FANCG: variants seen among roughly 807,000 people sequenced by gnomAD.
FANCG encodes Fanconi anemia group G protein.
Under a neutral mutation model 73.3 loss-of-function variants are expected in FANCG, and 67 were observed. The observed-to-expected ratio is 0.91, with a 90% CI of 0.75 to 1.12. FANCG has a LOEUF of 1.12. Among genes scored for constraint, FANCG ranks in the 50% most tolerant of loss-of-function variants. The pLI is 0.00. For missense variants in FANCG, 643 were observed against 735.6 expected, an observed-to-expected ratio of 0.87 and a Z score of 1.46; for synonymous variants, 297 against 311.6, an observed-to-expected ratio of 0.95 and a Z score of 0.49.
At position 35,078,727 on chromosome 9, in the gene FANCG, G is replaced by A. The variant is rs1176872462; in HGVS notation, c.185C>T (p.Ala62Val). ...CTCCAAGGGAAGAACAGGAACAGCT[G>A]CAGGGAGCCCTGGAGCAACAATGTT... ...GLLHSLQGLPAAVPVLPLELT... is the reference protein window; with the variant it reads ...GLLHSLQGLPVAVPVLPLELT... Residue 62 changes from alanine to valine, a missense_variant, in exon 3 of 14, where the codon GCA becomes GTA. Transcript: ENST00000378643. The A allele has an allele frequency of 6.2e-7, 1 of 1,614,166 alleles. No individual in the cohort carries two copies. Among genetic ancestry groups the A allele is most frequent in the South Asian group, 1.1e-5 (1 of 91,082 alleles).
rs764379393 is a variant in FANCG at position 35,074,883 on chromosome 9, C to T, written c.1636+44G>A. 10 of 1,611,766 alleles carry T rather than the reference C, an allele frequency of 6.2e-6. No individual in the cohort carries two copies. The African/African-American group carries it at 1.2e-4, about 19-fold the overall frequency. On this transcript the variant is annotated intron_variant, in intron 12 of 13. Transcript: ENST00000378643. ...AAGTATTTCCCATGGGCCTCTCTGTCCTTGCACATCTATGCATAGCCGACG... is the reference window on the plus strand; with the variant it reads ...AAGTATTTCCCATGGGCCTCTCTGTTCTTGCACATCTATGCATAGCCGACG...
At chr9:35,077,697 G>A (rs1379552435) in intron 4 of FANCG, among the ~76,000 whole-genome samples, 1 of 152,000 alleles carries the variant, frequency 6.6e-6, no homozygotes, top group African/African-American at 2.4e-5. Flanking sequence ...TTACTAATAA[G>A]GAGACTAAGG....
At position 35,075,691 on chromosome 9, in the gene FANCG, C is replaced by T. The variant is rs904164756; in HGVS notation, c.1207G>A (p.Ala403Thr). The T allele has an allele frequency of 5.0e-6, 8 of 1,608,614 alleles. No homozygotes were observed. In the African/African-American group the frequency reaches 9.6e-5, roughly 19 times the overall value. Residue 403 changes from alanine (A) to threonine (T), a missense_variant, in exon 10 of 14, where the codon GCA (alanine) becomes ACA (threonine). Coordinates refer to ENST00000378643, the MANE Select transcript of FANCG (RefSeq NM_004629.2). Reference sequence around the variant, plus strand: ...TGGGCTCTGCCTGCCTGGATCAGTGCTACCGCTGCCTCCAAAAACACCTCA... The same window carrying T: ...TGGGCTCTGCCTGCCTGGATCAGTGTTACCGCTGCCTCCAAAAACACCTCA... Reference protein sequence around the residue: ...MPEVFLEAAVALIQAGRAQDA... With the variant: ...MPEVFLEAAVTLIQAGRAQDA...
At position 35,077,372 on chromosome 9, in the gene FANCG, G is replaced by A. The variant is rs2131057255; in HGVS notation, c.538C>T (p.Leu180Phe). The A allele has an allele frequency of 6.2e-7, 1 of 1,614,146 alleles. No individual in the cohort carries two copies. Among genetic ancestry groups the A allele is most frequent in the South Asian group, 1.1e-5 (1 of 91,082 alleles). Residue 180 changes from leucine (L) to phenylalanine (F), a missense_variant, in exon 5 of 14, where the codon CTT becomes TTT. Coordinates refer to ENST00000378643, the MANE Select transcript of FANCG (RefSeq NM_004629.2). Reference protein sequence around the residue: ...QSGASKDLLLLLKTWSPPAEE... With the variant: ...QSGASKDLLLFLKTWSPPAEE... ...GCTGGGGGACTCCAAGTTTTCAGAA[G>A]TAACAGCAGATCCTTAGAGGCTCCA...
intron 8 of FANCG, 136 bp from the exon 9 acceptor site, chr9:35,076,164 G>T (rs927640122): frequency 2.0e-6 from 2 of 998,894 alleles, no homozygotes; most frequent in Non-Finnish European, 3.2e-6. Flanking sequence ...AGGTCTTAGG[G>T]CTCCAATTTT....
Position 35,077,361 on chromosome 9 carries a change from A to G in FANCG, c.549T>C (p.Thr183=), listed in dbSNP as rs1163330730. ...CTAATTCCTCAGCTGGGGGACTCCA[A>G]GTTTTCAGAAGTAACAGCAGATCCT... The part of the protein sequence containing the change: ...ASKDLLLLLK[T]WSPPAEELDA... The change falls in exon 5 of 14, where the codon ACT becomes ACC. Residue 183 remains threonine, a synonymous_variant. Coordinates refer to ENST00000378643, the MANE Select transcript of FANCG (RefSeq NM_004629.2). 1.2e-5 allele frequency: 20 copies of G among 1,614,000 alleles called. No individual in the cohort carries two copies. Among genetic ancestry groups the G allele is most frequent in the African/African-American group, 4.0e-5 (3 of 74,890 alleles).
chr9:35,078,330 CTG>C lies in FANCG; in HGVS notation c.319_320del (p.Gln107GlyfsTer47). On this transcript the variant is annotated frameshift_variant, in exon 4 of 14. Transcript: ENST00000378643. LOFTEE classifies it high-confidence loss of function. ...GTTCCAACCTGGGCCCCTGCTGCTCCTGTGTCTCCAGCACTGTAGAGTATACA... is the reference window on the plus strand; with the variant it reads ...GTTCCAACCTGGGCCCCTGCTGCTCCTGTCTCCAGCACTGTAGAGTATACA... ...QRSLERVLET[Q>X]EQQGPRLEQG... The C allele has an allele frequency of 1.9e-6, 3 of 1,613,562 alleles. No homozygotes were observed. The highest frequency in any genetic ancestry group is 2.5e-6 in the Non-Finnish European group (3 of 1,179,996).
intron 11 of FANCG, 76 bp from the exon 12 acceptor site, chr9:35,075,158 C>A: frequency 6.2e-7 from 1 of 1,609,512 alleles, no homozygotes; most frequent in African/African-American, 1.3e-5. Flanking sequence ...TCCTCTATTT[C>A]TTCTTGTGTC....
chr9:35,077,366 T>C lies in FANCG; in HGVS notation c.544A>G (p.Lys182Glu). The C allele has an allele frequency of 1.2e-6, 2 of 1,614,102 alleles. No individual in the cohort carries two copies. Among genetic ancestry groups the C allele is most frequent in the South Asian group, 2.2e-5 (2 of 91,078 alleles). ...TCCTCAGCTGGGGGACTCCAAGTTT[T>C]CAGAAGTAACAGCAGATCCTTAGAG... The part of the protein sequence containing the change: ...GASKDLLLLL[K>E]TWSPPAEELD... Residue 182 changes from lysine to glutamate, a missense_variant, in exon 5 of 14, where the codon AAA becomes GAA. Lys to Glu is a moderately conservative substitution (Grantham distance 56). Coordinates refer to ENST00000378643, the MANE Select transcript of FANCG (RefSeq NM_004629.2).
chr9:35,075,890 C>T (rs2131054548), intron 9 of FANCG, 72 bp downstream of exon 9: 1 of 1,574,756 alleles, frequency 6.4e-7, no homozygotes, highest in Non-Finnish European at 8.7e-7. Context: ...CAAAAAATTG[C>T]AGTCTTGCTG....
chr9:35,079,752 C>T lies in FANCG; in HGVS notation c.-228G>A. ...CAACCTCGCCTCTGGTTGGCCGGGTCTGCGAAGCTCTGGGCTGCGGTTGGT... is the reference window on the plus strand; with the variant it reads ...CAACCTCGCCTCTGGTTGGCCGGGTTTGCGAAGCTCTGGGCTGCGGTTGGT... On this transcript the variant is annotated 5_prime_UTR_variant, in exon 1 of 14. Transcript: ENST00000378643. 1.7e-6 allele frequency: 1 copy of T among 590,754 alleles called. No individual in the cohort carries two copies. Among genetic ancestry groups the T allele is most frequent in the Non-Finnish European group, 3.0e-6 (1 of 329,926 alleles). The allele number at this position is 590,754 out of a possible 1,614,324, so 36.6% of individuals were successfully genotyped here.
chr9:35,076,609 T>A lies in FANCG; in HGVS notation c.925-26A>T, dbSNP rs146244724. On this transcript the variant is annotated intron_variant, in intron 7 of 13. Transcript: ENST00000378643. The stretch of plus-strand genomic sequence containing the variant: ...CTAAAAGAGAAAGAAAAAAATTGTA[T>A]CTATAATCTTTGGGAGCCATACTTC... The A allele has an allele frequency of 1.9e-6, 3 of 1,614,066 alleles. No homozygotes were observed. In the African/African-American group the frequency reaches 4.0e-5, roughly 22 times the overall value.
In FANCG at chr9:35,077,259, C is replaced by T. The variant is rs1453133047; in HGVS notation, c.646+5G>A. On this transcript the variant is annotated splice_donor_5th_base_variant and intron_variant, in intron 5 of 13. Transcript: ENST00000378643. ...TAGAAGAGATGAGTCAGGTTGCTAG[C>T]TGACCTTGGCGGTAGGCAAATGCTG... The T allele has an allele frequency of 1.2e-6, 2 of 1,614,104 alleles. No individual in the cohort carries two copies. Among genetic ancestry groups the T allele is most frequent in the African/African-American group, 2.7e-5 (2 of 74,924 alleles).
At position 35,076,509 on chromosome 9, in the gene FANCG, G is replaced by A. The variant is rs762238437; in HGVS notation, c.999C>T (p.Asp333=). ...TGCCACAATGAAGGGGTGAGGCTAG[G>A]TCAGGTGGTGGCAGTAGTAATTCTA... ...IEVELLLPPP[D]LASPLHCGTQ... The change falls in exon 8 of 14, where the codon GAC becomes GAT. Residue 333 remains aspartate, a synonymous_variant. Transcript: ENST00000378643. 7 of 1,614,098 alleles carry A rather than the reference G, an allele frequency of 4.3e-6. No individual in the cohort carries two copies. The highest frequency in any genetic ancestry group is 5.9e-6 in the Non-Finnish European group (7 of 1,180,040).
Position 35,075,630 on chromosome 9 carries a change from C to G in FANCG, c.1268G>C (p.Arg423Pro). Residue 423 changes from arginine (R) to proline (P), a missense_variant, in exon 10 of 14, where the codon CGC (arginine) becomes CCC (proline). Arg to Pro is a moderately radical substitution (Grantham distance 103, BLOSUM62 -2). Transcript: ENST00000378643. The part of the protein sequence containing the change: ...ALTLCEELLS[R>P]TSSLLPKMSR... ...CATCTTGGGTAGCAGAGATGATGTG[C>G]GGCTGAGCAACTCCTCACATAGAGT... is the stretch of plus-strand genomic sequence containing the variant. The G allele has an allele frequency of 6.2e-7, 1 of 1,613,730 alleles. No homozygotes were observed. Among genetic ancestry groups the G allele is most frequent in the Non-Finnish European group, 8.5e-7 (1 of 1,179,990 alleles).
chr9:35,076,568 A>G lies in FANCG; in HGVS notation c.940T>C (p.Cys314Arg). Residue 314 changes from cysteine (C) to arginine (R), a missense_variant, in exon 8 of 14, where the codon TGC becomes CGC. Physicochemically the swap from Cys to Arg is radical, Grantham distance 180. Coordinates refer to ENST00000378643, the MANE Select transcript of FANCG (RefSeq NM_004629.2). ...ELLVEALNVP[C>R]SSKAPQFLIE... ...AGAAACTGCGGGGCTTTGGAACTGC[A>G]TGGGACATTCAAGGCCTAAAAGAGA... 6 of 1,614,194 alleles carry G rather than the reference A, an allele frequency of 3.7e-6. No homozygotes were observed. Among genetic ancestry groups the G allele is most frequent in the Non-Finnish European group, 5.1e-6 (6 of 1,180,022 alleles).
At position 35,074,120 on chromosome 9, in the gene FANCG, A is replaced by G; in HGVS notation, c.1857T>C (p.Ser619=). 1 of 1,614,152 alleles carries G rather than the reference A, an allele frequency of 6.2e-7. No individual in the cohort carries two copies. Among genetic ancestry groups the G allele is most frequent in the Non-Finnish European group, 8.5e-7 (1 of 1,179,984 alleles). The change falls in exon 14 of 14, where the codon TCT becomes TCC. Residue 619 remains serine, a synonymous_variant. Transcript: ENST00000378643. ...CAAAACGTGGCAGCTACAGGTCACA[A>G]GACTTTGGCAGAGATGTCCGAAATT... ...LEEFRTSLPK[S]CDL
Position 35,075,606 on chromosome 9 carries a change from A to C in FANCG, c.1292T>G (p.Met431Arg), listed in dbSNP as rs759285011. 2.5e-6 allele frequency: 4 copies of C among 1,613,916 alleles called. No homozygotes were observed. The East Asian group carries it at 8.9e-5, about 36-fold the overall frequency. ...TCTGGCATCTTCCCACAGCCGGGACATCTTGGGTAGCAGAGATGATGTGCG... is the reference window on the plus strand; with the variant it reads ...TCTGGCATCTTCCCACAGCCGGGACCTCTTGGGTAGCAGAGATGATGTGCG... ...LSRTSSLLPK[M>R]SRLWEDARKG... The change falls in exon 10 of 14, where the codon ATG (methionine) becomes AGG (arginine). Residue 431 changes from methionine to arginine, a missense_variant. Met to Arg is a moderately conservative substitution (Grantham distance 91). Transcript: ENST00000378643.
chr9:35,077,893 C>CTTT (rs779959097), intron 4 of FANCG: 1 of 544,070 alleles, frequency 1.8e-6, no homozygotes, highest in Non-Finnish European at 3.3e-6. Context: ...CTACCTCAGC[C>CTTT]TCCCAAAGTG....
Sources: gnomAD v4.1 joint callset for allele counts (sites outside exome capture counted in the v4.1 genomes callset) on GRCh38, gnomAD v4.1.1 for gene constraint, MANE v1.5 for transcripts, NCBI Gene and HGNC (gene_info 2026-07-23, HGNC 2026-07-21) for gene names.